Variants in PHF20 observed in about 807,000 individuals in gnomAD.
The protein encoded by PHF20 is PHD finger protein 20.
In PHF20, 23 loss-of-function variants were observed where a neutral mutation model predicts 113.5. The observed-to-expected ratio is 0.20, with a 90% confidence interval of 0.15 to 0.29. The LOEUF is 0.29. PHF20 is among the 10% of genes least tolerant of loss of function. The pLI is 1.00. For missense variants in PHF20, 943 were observed against 1,219.6 expected, an observed-to-expected ratio of 0.77 and a Z score of 3.38; for synonymous variants, 434 against 457.3, an observed-to-expected ratio of 0.95 and a Z score of 0.65.
At chr20:35,811,560 A>G (rs1311940401) in intron 2 of PHF20, among the ~76,000 whole-genome samples, 1 of 150,940 alleles carries the variant, frequency 6.6e-6, no homozygotes, top group East Asian at 1.9e-4. Context: ...CTTCTGTCTC[A>G]GTCTCCCAAG....
intron 1 of PHF20, among the ~76,000 whole-genome samples, chr20:35,779,663 G>T (rs909784107): frequency 6.6e-6 from 1 of 151,852 alleles, no homozygotes; most frequent in Non-Finnish European, 1.5e-5. Context: ...GGGATTACAG[G>T]TGCCCGCCAC....
intron 17 of PHF20, among the ~76,000 whole-genome samples, chr20:35,946,404 A>G (rs2056083931): frequency 6.6e-6 from 1 of 152,214 alleles, no homozygotes; most frequent in Non-Finnish European, 1.5e-5. Context: ...ACTGCACTCC[A>G]GCCTGGGCGA....
At chr20:35,881,179 T>A (rs2054626075) in intron 9 of PHF20, among the ~76,000 whole-genome samples, 1 of 148,432 alleles carries the variant, frequency 6.7e-6, no homozygotes, top group East Asian at 2.1e-4. Context: ...TGCCTCAGCC[T>A]CCTGAGTAGC....
chr20:35,795,233 G>A (rs932255839), intron 1 of PHF20, among the ~76,000 whole-genome samples: 1 of 150,032 alleles, frequency 6.7e-6, no homozygotes, highest in Non-Finnish European at 1.5e-5. Context: ...ATCATTTATT[G>A]AGTACCTACT....
chr20:35,772,867 G>A (rs2041092537), intron 1 of PHF20, among the ~76,000 whole-genome samples: 1 of 152,040 alleles, frequency 6.6e-6, no homozygotes, highest in Admixed American at 6.6e-5. Context: ...CCTTTTCCAG[G>A]TCCCAAATCT....
chr20:35,916,432 C>T (rs1463590295), intron 12 of PHF20, among the ~76,000 whole-genome samples: 2 of 152,212 alleles, frequency 1.3e-5, no homozygotes, highest in African/African-American at 4.8e-5. Context: ...CTGGAATCTT[C>T]CTCTTCCTCA....
chr20:35,867,282 TG>T (rs1407917153), intron 6 of PHF20, among the ~76,000 whole-genome samples: 19 of 152,130 alleles, frequency 1.2e-4, no homozygotes, highest in Non-Finnish European at 2.4e-4. Flanking sequence ...TTTTTTGAGA[TG>T]GAGTCTTACT....
chr20:35,862,620 G>T (rs1402996605), intron 5 of PHF20, among the ~76,000 whole-genome samples: 107 of 152,092 alleles, frequency 7.0e-4, no homozygotes, highest in Non-Finnish European at 7.4e-5. Flanking sequence ...TGTGGTCCCA[G>T]CTACTCAGAA....
intron 17 of PHF20, among the ~76,000 whole-genome samples, chr20:35,941,554 C>T (rs2055980016): frequency 2.0e-5 from 3 of 152,246 alleles, no homozygotes; most frequent in East Asian, 1.9e-4. Context: ...TTGGTGGTTA[C>T]GGACAGGCCT....
intron 4 of PHF20, among the ~76,000 whole-genome samples, chr20:35,851,656 C>T (rs1443292162): frequency 2.0e-5 from 3 of 151,754 alleles, no homozygotes; most frequent in Non-Finnish European, 4.4e-5. Context: ...TGGCTTATGC[C>T]TGTAATCCCA....
At chr20:35,943,270 C>T (rs1387301220) in intron 17 of PHF20, among the ~76,000 whole-genome samples, 3 of 151,844 alleles carry the variant, frequency 2.0e-5, no homozygotes, top group Admixed American at 6.6e-5. Context: ...ATCTAGGAGG[C>T]GGAGGTTGCA....
intron 2 of PHF20, among the ~76,000 whole-genome samples, chr20:35,823,457 A>G (rs541691193): frequency 6.7e-6 from 1 of 149,000 alleles, no homozygotes; most frequent in South Asian, 2.1e-4. Context: ...AAAAAAAACC[A>G]TAATAAAAGT....
At chr20:35,899,310 T>A in intron 9 of PHF20, 60 bp from the exon 10 acceptor site, 1 of 1,412,342 alleles carries the variant, frequency 7.1e-7, no homozygotes, top group South Asian at 1.3e-5. Flanking sequence ...TGTTAATGCA[T>A]GTTTTGTAAT....
rs200722349 is a variant in PHF20 at position 35,801,534 on chromosome 20, T to A, written c.12T>A (p.His4Gln). The A allele has an allele frequency of 6.2e-6, 10 of 1,613,324 alleles. No individual in the cohort carries two copies. The highest frequency in any genetic ancestry group is 8.5e-6 in the Non-Finnish European group (10 of 1,179,364). MTK[H>Q]PPNRRGISFE... ...GTTGATGACTGAAAATGACAAAGCA[T>A]CCACCTAACAGACGAGGAATCAGCT... Residue 4 changes from histidine to glutamine, a missense_variant, in exon 2 of 18, where the codon CAT becomes CAA. By Grantham distance (24) the His-to-Gln change is conservative. This residue lies in a region of PHF20 where 592 missense variants were observed against 787.2 expected (regional missense o/e 0.75). Coordinates refer to ENST00000374012, the MANE Select transcript of PHF20 (RefSeq NM_016436.5).
At chr20:35,848,684 C>A (rs2042665903) in intron 4 of PHF20, among the ~76,000 whole-genome samples, 1 of 151,782 alleles carries the variant, frequency 6.6e-6, no homozygotes, top group Admixed American at 6.6e-5. Flanking sequence ...CATAGTGAGA[C>A]CTCATCTCAC....
chr20:35,936,914 G>A (rs2055875676), intron 15 of PHF20, among the ~76,000 whole-genome samples: 3 of 152,204 alleles, frequency 2.0e-5, no homozygotes, highest in African/African-American at 7.2e-5. Context: ...AGCCAAATAT[G>A]AGGACCTTGA....
intron 9 of PHF20, among the ~76,000 whole-genome samples, chr20:35,894,178 AG>A (rs1240890908): frequency 6.6e-6 from 1 of 152,262 alleles, no homozygotes; most frequent in Non-Finnish European, 1.5e-5. Context: ...TATGCGTCCC[AG>A]CCAGGGCATA....
rs1197836882 is a variant in PHF20, at chr20:35,860,964, G to GCCTTACCCAGTGA, written c.421-2049_421-2048insCCTTACCCAGTGA. Among the ~76,000 whole-genome samples the GCCTTACCCAGTGA allele has an allele frequency of 4.6e-5, 7 of 152,222 alleles. No individual in the cohort carries two copies. The East Asian group carries it at 1.2e-3, about 25-fold the overall frequency. On this transcript the variant is annotated intron_variant, in intron 5 of 17. Transcript: ENST00000374012. The stretch of plus-strand genomic sequence containing the variant: ...GGTGCCTTACCCAGTGAGGATTTCT[G>GCCTTACCCAGTGA]GGTGCCATGCTTCATTTCTCATTTC...
chr20:35,790,957 C>G (rs1001151261), intron 1 of PHF20, among the ~76,000 whole-genome samples: 1 of 152,074 alleles, frequency 6.6e-6, no homozygotes, highest in East Asian at 1.9e-4. Context: ...CTCCTGGGTT[C>G]GAGCGATTCT....
Sources: allele counts gnomAD v4.1 joint callset (sites outside exome capture counted in the v4.1 genomes callset), GRCh38; gene constraint gnomAD v4.1.1; regional missense constraint gnomAD v4.1.1; transcripts MANE v1.5; gene names NCBI Gene and HGNC (gene_info 2026-07-23, HGNC 2026-07-21).